Variants in ZFHX4 observed in about 807,000 individuals in gnomAD.
ZFHX4 encodes zinc finger homeobox 4.
Under a neutral mutation model 267.6 loss-of-function variants are expected in ZFHX4, and 56 were observed. That is an observed-to-expected ratio of 0.21 (90% confidence interval 0.17 to 0.26). ZFHX4 has a LOEUF of 0.26. ZFHX4 is among the 10% of genes least tolerant of loss of function. ZFHX4 has a pLI of 1.00. For synonymous variants in ZFHX4, 1,778 were observed against 1,665.6 expected (o/e 1.07, Z -1.64); for missense variants, 4,332 against 4,420.0 (o/e 0.98, Z 0.56).
At chr8:76,846,974 A>G (rs966342536) in intron 6 of ZFHX4, among the ~76,000 whole-genome samples, 28 of 152,140 alleles carry the variant, frequency 1.8e-4, no homozygotes, top group Non-Finnish European at 8.8e-5. Context: ...CAAAAGAACG[A>G]TAAGGGGATA....
At chr8:76,782,877 A>G (rs1230426781) in intron 4 of ZFHX4, among the ~76,000 whole-genome samples, 1 of 152,018 alleles carries the variant, frequency 6.6e-6, no homozygotes, top group Non-Finnish European at 1.5e-5. Flanking sequence ...AAGGGACTCT[A>G]TTGATATTAA....
In ZFHX4 at chr8:76,778,364, C is replaced by A; in HGVS notation, c.3250C>A (p.Gln1084Lys). The A allele has an allele frequency of 6.2e-7, 1 of 1,613,900 alleles. No individual in the cohort carries two copies. Among genetic ancestry groups the A allele is most frequent in the Non-Finnish European group, 8.5e-7 (1 of 1,179,840 alleles). Reference protein sequence around the residue: ...TEGLRKLQLHQQGLAPEEDNL... With the variant: ...TEGLRKLQLHKQGLAPEEDNL... ...GGGCCTACGGAAGCTCCAGCTCCAC[C>A]AGCAAGGCCTGGCACCAGAGGAGGA... The change falls in exon 4 of 11, where the codon CAG (glutamine) becomes AAG (lysine). Residue 1084 changes from glutamine to lysine, a missense_variant. By Grantham distance (53) the Gln-to-Lys change is moderately conservative. Around this residue, in one of 7 missense-constraint regions of ZFHX4, gnomAD observed 1,371 missense variants for 1,423.1 expected, o/e 0.96. Coordinates refer to ENST00000651372, the MANE Select transcript of ZFHX4 (RefSeq NM_024721.5).
At position 76,864,687 on chromosome 8, in the gene ZFHX4, C is replaced by G. The variant is rs1812983512; in HGVS notation, c.*122C>G. ...AAATTACAGTACCAAATGATTGACT[C>G]AGGATTGTTTTTCCCATATTGATAT... On this transcript the variant is annotated 3_prime_UTR_variant, in exon 11 of 11. Transcript: ENST00000651372. The G allele has an allele frequency of 4.4e-6, 3 of 687,674 alleles. No individual in the cohort carries two copies. The highest frequency in any genetic ancestry group is 3.5e-5 in the Admixed American group (1 of 28,722). 42.6% of individuals were successfully genotyped at this position (687,674 alleles called of 1,614,324 possible).
chr8:76,704,284 G>A lies in ZFHX4; in HGVS notation c.196G>A (p.Val66Ile), dbSNP rs56261025. 3,808 of 1,613,928 alleles carry A rather than the reference G, an allele frequency of 2.4e-3. 50 individuals carry two copies. Among genetic ancestry groups the A allele is most frequent in the Non-Finnish European group, 1.7e-3 (1,972 of 1,179,888 alleles). Residue 66 changes from valine to isoleucine, a missense_variant, in exon 2 of 11, where the codon GTT becomes ATT. Coordinates refer to ENST00000651372, the MANE Select transcript of ZFHX4 (RefSeq NM_024721.5). ...AAGTGAAGCCTTGCTGGGTTTCAGCGTTGAGAATGCAGCTGCCACTCAGGT... is the reference window on the plus strand; with the variant it reads ...AAGTGAAGCCTTGCTGGGTTTCAGCATTGAGAATGCAGCTGCCACTCAGGT... ...RKSEALLGFSVENAAATQVTS... is the reference protein window; with the variant it reads ...RKSEALLGFSIENAAATQVTS...
At chr8:76,694,076 G>C (rs1296670189) in intron 1 of ZFHX4, among the ~76,000 whole-genome samples, 3 of 152,140 alleles carry the variant, frequency 2.0e-5, no homozygotes, top group African/African-American at 7.2e-5. Flanking sequence ...AGTTGACTCT[G>C]ATTGGCTGTG....
chr8:76,825,349 G>A (rs1811757086), intron 4 of ZFHX4, among the ~76,000 whole-genome samples: 1 of 152,210 alleles, frequency 6.6e-6, no homozygotes, highest in Admixed American at 6.5e-5. Context: ...GTAACTTGGA[G>A]AGTATCAAAT....
At chr8:76,749,866 CTAAT>C (rs1809568330) in intron 3 of ZFHX4, among the ~76,000 whole-genome samples, 1 of 152,180 alleles carries the variant, frequency 6.6e-6, no homozygotes, top group East Asian at 1.9e-4. Flanking sequence ...TTTTGATAGA[CTAAT>C]TATATTGCAA....
Position 76,851,064 on chromosome 8 carries a change from G to A in ZFHX4, c.4143G>A (p.Gln1381=), listed in dbSNP as rs771337139. Residue 1381 remains glutamine, a synonymous_variant, in exon 10 of 11, where the codon CAG becomes CAA. Coordinates refer to ENST00000651372, the MANE Select transcript of ZFHX4 (RefSeq NM_024721.5). ...PDTLQDQLNE[Q]QKRQPLSVSD... ...CACTGCAAGATCAATTAAATGAACA[G>A]CAAAAAAGGCAACCGCTCTCTGTTT... 12 of 1,613,758 alleles carry A rather than the reference G, an allele frequency of 7.4e-6. No individual in the cohort carries two copies. In the African/African-American group the frequency reaches 1.3e-4, roughly 18 times the overall value.
intron 1 of ZFHX4, among the ~76,000 whole-genome samples, chr8:76,685,181 C>T (rs549077076): frequency 1.3e-5 from 2 of 152,306 alleles, no homozygotes; most frequent in South Asian, 4.1e-4. Context: ...GAGATTCAGA[C>T]ATGTTCAGCA....
At chr8:76,830,567 A>G (rs1165140192) in intron 4 of ZFHX4, among the ~76,000 whole-genome samples, 1 of 152,206 alleles carries the variant, frequency 6.6e-6, no homozygotes, top group Non-Finnish European at 1.5e-5. Flanking sequence ...TTTGTAAGTC[A>G]AAAGCTCCTT....
intron 5 of ZFHX4, among the ~76,000 whole-genome samples, chr8:76,836,692 T>C (rs888221251): frequency 2.6e-5 from 4 of 151,936 alleles, no homozygotes; most frequent in African/African-American, 4.8e-5. Context: ...TGTTATGTTA[T>C]TGTAAGTGAA....
Position 76,707,719 on chromosome 8 carries a change from G to A in ZFHX4, c.2764G>A (p.Val922Met). 1 of 1,613,864 alleles carries A rather than the reference G, an allele frequency of 6.2e-7. No homozygotes were observed. Among genetic ancestry groups the A allele is most frequent in the Non-Finnish European group, 8.5e-7 (1 of 1,179,874 alleles). The change falls in exon 3 of 11, where the codon GTG becomes ATG. Residue 922 changes from valine to methionine, a missense_variant. Coordinates refer to ENST00000651372, the MANE Select transcript of ZFHX4 (RefSeq NM_024721.5). ...FTSDSLEALS[V>M]HVSSERSLPE... The stretch of plus-strand genomic sequence containing the variant: ...CTCTGACAGCCTGGAGGCCCTAAGT[G>A]TGCATGTGAGCAGTGAGCGCTCTCT...
At chr8:76,719,329 G>T (rs971266447) in intron 3 of ZFHX4, among the ~76,000 whole-genome samples, 1 of 151,850 alleles carries the variant, frequency 6.6e-6, no homozygotes, top group Non-Finnish European at 1.5e-5. Context: ...ACAATGTAAG[G>T]GTTCTCAGTT....
At chr8:76,721,602 A>G (rs1808723071) in intron 3 of ZFHX4, among the ~76,000 whole-genome samples, 1 of 152,170 alleles carries the variant, frequency 6.6e-6, no homozygotes, top group Non-Finnish European at 1.5e-5. Flanking sequence ...TTGTAAGGAC[A>G]TTTTTAGTGC....
At chr8:76,744,732 A>G (rs1809412859) in intron 3 of ZFHX4, among the ~76,000 whole-genome samples, 1 of 152,134 alleles carries the variant, frequency 6.6e-6, no homozygotes, top group African/African-American at 2.4e-5. Flanking sequence ...TACTTTCTGT[A>G]AGAATTTCTT....
intron 3 of ZFHX4, among the ~76,000 whole-genome samples, chr8:76,715,473 C>A (rs1307345978): frequency 8.8e-6 from 1 of 113,944 alleles, no homozygotes; most frequent in Non-Finnish European, 1.7e-5. Flanking sequence ...CAGAACAAGA[C>A]TCCATCTTAA....
intron 8 of ZFHX4, 62 bp downstream of exon 8, chr8:76,849,774 A>T: frequency 1.4e-6 from 2 of 1,458,590 alleles, no homozygotes; most frequent in Non-Finnish European, 1.9e-6. Context: ...TCAATATAAA[A>T]TCTGTAATTA....
chr8:76,741,475 C>T (rs2131683559), intron 3 of ZFHX4, among the ~76,000 whole-genome samples: 1 of 152,282 alleles, frequency 6.6e-6, no homozygotes, highest in East Asian at 1.9e-4. Context: ...AAGGTCAAGT[C>T]CAGTGGTTAC....
At chr8:76,802,407 T>C (rs1811138356) in intron 4 of ZFHX4, among the ~76,000 whole-genome samples, 1 of 152,190 alleles carries the variant, frequency 6.6e-6, no homozygotes. Flanking sequence ...CAACATTCAC[T>C]GTATTTAAGC....
Sources: allele counts gnomAD v4.1 joint callset (sites outside exome capture counted in the v4.1 genomes callset), GRCh38; gene constraint gnomAD v4.1.1; regional missense constraint gnomAD v4.1.1; transcripts MANE v1.5; gene names NCBI Gene and HGNC (gene_info 2026-07-23, HGNC 2026-07-21).